SCARB1: variants seen among roughly 807,000 people sequenced by gnomAD.
SCARB1 encodes scavenger receptor class B member 1.
A neutral mutation model predicts 57.2 loss-of-function variants in SCARB1; 30 were observed. The ratio of observed to expected loss-of-function variants is 0.52; its 90% CI spans 0.39 to 0.71. The LOEUF (loss-of-function observed/expected upper bound fraction) is 0.71, where lower values mean the gene tolerates loss of function less well. Among genes scored for constraint, SCARB1 ranks in the 30% least tolerant of loss-of-function variants. SCARB1 has a pLI of 0.00. For synonymous variants in SCARB1, 249 were observed against 268.3 expected (o/e 0.93, Z 0.70); for missense variants, 543 against 671.2 (o/e 0.81, Z 2.11).
At position 124,787,401 on chromosome 12, in the gene SCARB1, C is replaced by T. The variant is rs751382734; in HGVS notation, c.1254+5G>A. 1 of 1,613,744 alleles carries T rather than the reference C, an allele frequency of 6.2e-7. No individual in the cohort carries two copies. The highest frequency in any genetic ancestry group is 1.1e-5 in the South Asian group (1 of 90,992). ...CCCCCGACGCTGTGCCCAACGCACC[C>T]TTACCTCTGCAAACCAGAGCAGCGG... On this transcript the variant is annotated splice_donor_5th_base_variant and intron_variant, in intron 10 of 12. Transcript: ENST00000261693.
intron 1 of SCARB1, among the ~76,000 whole-genome samples, chr12:124,851,436 CT>C (rs146381443): frequency 2.7e-5 from 4 of 150,792 alleles, no homozygotes; most frequent in African/African-American, 7.3e-5. Context: ...TGCTGTTTTC[CT>C]TTTTTTTTCT....
Position 124,817,805 on chromosome 12 carries a change from A to C in SCARB1, c.127-98T>G. ...ACAGCTGCCCGAGCCCGGCCAGGGA[A>C]GGGGCTCCTCGGCGGGAGCTTGGGA... is the stretch of plus-strand genomic sequence containing the variant. On this transcript the variant is annotated intron_variant, in intron 1 of 12. Transcript: ENST00000261693. The surrounding 1 kb of genome is among the most constrained non-coding windows in gnomAD (Gnocchi z 4.8). 1 of 1,335,476 alleles carries C rather than the reference A, an allele frequency of 7.5e-7. No homozygotes were observed. The highest frequency in any genetic ancestry group is 1.1e-6 in the Non-Finnish European group (1 of 927,868). 82.7% of individuals were successfully genotyped at this position (1,335,476 alleles called of 1,614,324 possible).
chr12:124,845,263 C>T (rs1167069577), intron 1 of SCARB1, among the ~76,000 whole-genome samples: 2 of 152,200 alleles, frequency 1.3e-5, no homozygotes, highest in Non-Finnish European at 2.9e-5. Context: ...ATGCAGTGCA[C>T]CCGCACCGTG....
chr12:124,810,423 AG>A lies in SCARB1; in HGVS notation c.727-135del. ...TTCCCAATACTGGCACGGTGGGAAG[AG>A]GGCAGGCTATGTAGACACACAGAGA... On this transcript the variant is annotated intron_variant, in intron 5 of 12. Transcript: ENST00000261693. The surrounding 1 kb of genome is among the most constrained non-coding windows in gnomAD (Gnocchi z 4.0). 1 of 693,420 alleles carries A rather than the reference AG, an allele frequency of 1.4e-6. No individual in the cohort carries two copies. Among genetic ancestry groups the A allele is most frequent in the East Asian group, 2.7e-5 (1 of 36,764 alleles). 43.0% of individuals were successfully genotyped at this position (693,420 alleles called of 1,614,324 possible). A position where few individuals can be genotyped will look rare whatever the true frequency, so the allele number is the denominator to read the frequency against.
Position 124,790,051 on chromosome 12 carries a change from A to G in SCARB1, c.1203-2594T>C, listed in dbSNP as rs191759823. 1.2e-4 allele frequency among the ~76,000 whole-genome samples: 18 copies of G among 148,892 alleles called. No individual in the cohort carries two copies. In the East Asian group the frequency reaches 3.5e-3, roughly 29 times the overall value. On this transcript the variant is annotated intron_variant, in intron 9 of 12. Transcript: ENST00000261693. ...GGGAAGCAGGAGGTTAGAGGCAGAG[A>G]GAAATTGGACAGTGCTACACTGCTG...
intron 7 of SCARB1, among the ~76,000 whole-genome samples, chr12:124,801,941 G>A (rs1473418093): frequency 6.6e-6 from 1 of 151,516 alleles, no homozygotes; most frequent in East Asian, 1.9e-4. Context: ...AGTTGAGGTT[G>A]GGAGTTCACG....
In SCARB1 at chr12:124,843,472, T is replaced by C. The variant is rs972372530; in HGVS notation, c.126+20123A>G. 3.3e-5 allele frequency among the ~76,000 whole-genome samples: 5 copies of C among 152,072 alleles called. No individual in the cohort carries two copies. The East Asian group carries it at 9.6e-4, about 29-fold the overall frequency. On this transcript the variant is annotated intron_variant, in intron 1 of 12. Coordinates refer to ENST00000261693, the MANE Select transcript of SCARB1 (RefSeq NM_005505.5). The stretch of plus-strand genomic sequence containing the variant: ...ATGTGCAGAGGTGGAAATCGGCTTT[T>C]AGGAAAAAAGTGAGTTTCCACAGGA...
chr12:124,796,764 C>T lies in SCARB1; in HGVS notation c.1129-1496G>A, dbSNP rs539189036. ...TGGCAAAGAAGAGCTCATTAAAGGCCTCACTTACGCCCACGACTGGGGAGT... is the reference window on the plus strand; with the variant it reads ...TGGCAAAGAAGAGCTCATTAAAGGCTTCACTTACGCCCACGACTGGGGAGT... On this transcript the variant is annotated intron_variant, in intron 8 of 12. Coordinates refer to ENST00000261693, the MANE Select transcript of SCARB1 (RefSeq NM_005505.5). The surrounding 1 kb of genome is among the most constrained non-coding windows in gnomAD (Gnocchi z 4.0). Among the ~76,000 whole-genome samples, 9 of 152,324 alleles carry T rather than the reference C, an allele frequency of 5.9e-5. No homozygotes were observed. In the South Asian group the frequency reaches 1.9e-3, roughly 32 times the overall value.
At chr12:124,859,403 C>T (rs1225817708) in intron 1 of SCARB1, among the ~76,000 whole-genome samples, 2 of 152,094 alleles carry the variant, frequency 1.3e-5, no homozygotes, top group Non-Finnish European at 2.9e-5. Flanking sequence ...TGGTGGCAGG[C>T]ACCTGCAGTC....
At chr12:124,838,775 C>CTTTTTTT (rs1174317110) in intron 1 of SCARB1, among the ~76,000 whole-genome samples, 2 of 117,302 alleles carry the variant, frequency 1.7e-5, no homozygotes, top group Admixed American at 1.1e-4. Context: ...CCAACTTAGC[C>CTTTTTTT]TTTTTTTTTT....
intron 1 of SCARB1, among the ~76,000 whole-genome samples, chr12:124,834,912 C>CG (rs1951571377): frequency 6.6e-6 from 1 of 151,966 alleles, no homozygotes; most frequent in African/African-American, 2.4e-5. Flanking sequence ...TGTCCACCCC[C>CG]CCAAAAAAAA....
chr12:124,852,148 C>T (rs902862410), intron 1 of SCARB1, among the ~76,000 whole-genome samples: 5 of 152,134 alleles, frequency 3.3e-5, no homozygotes, highest in Admixed American at 1.3e-4. Flanking sequence ...TCTCTTTACC[C>T]ACCATCCACA....
At chr12:124,852,586 C>T (rs915582087) in intron 1 of SCARB1, among the ~76,000 whole-genome samples, 3 of 152,244 alleles carry the variant, frequency 2.0e-5, no homozygotes, top group Admixed American at 6.5e-5. Flanking sequence ...CAAGGTCCTA[C>T]GCTAGGTGGT....
rs563446926 is a variant in SCARB1, at chr12:124,814,820, T to C, written c.426+153A>G. 1,922 of 918,820 alleles carry C rather than the reference T, an allele frequency of 2.1e-3. 2 individuals carry two copies. Among genetic ancestry groups the C allele is most frequent in the Non-Finnish European group, 3.0e-3 (1,758 of 584,540 alleles). The allele number at this position is 918,820 out of a possible 1,614,324, so 56.9% of individuals were successfully genotyped here. ...GAAACTCAGAACCCACTGGGGGTGGTGGAGACAGCACAGGGCCGAAAGCCA... is the reference window on the plus strand; with the variant it reads ...GAAACTCAGAACCCACTGGGGGTGGCGGAGACAGCACAGGGCCGAAAGCCA... On this transcript the variant is annotated intron_variant, in intron 3 of 12. Coordinates refer to ENST00000261693, the MANE Select transcript of SCARB1 (RefSeq NM_005505.5). This position sits in a 1 kb window ranked among gnomAD's most constrained non-coding sequence, Gnocchi z 4.7.
chr12:124,788,615 A>G (rs115013592), intron 9 of SCARB1, among the ~76,000 whole-genome samples: 74 of 152,320 alleles, frequency 4.9e-4, no homozygotes, highest in African/African-American at 1.7e-3. Flanking sequence ...AGATGAGTGG[A>G]ACTTGGACTA....
rs1950635006 is a variant in SCARB1 at position 124,814,616 on chromosome 12, C to T, written c.427-211G>A. Among the ~76,000 whole-genome samples, 2 of 152,182 alleles carry T rather than the reference C, an allele frequency of 1.3e-5. No homozygotes were observed. Among genetic ancestry groups the T allele is most frequent in the Admixed American group, 6.5e-5 (1 of 15,282 alleles). ...ACATGTGCTCCCGAGAACCCCTTCT[C>T]CCCCTTGCACCCCACTGGACTCAGG... On this transcript the variant is annotated intron_variant, in intron 3 of 12. Coordinates refer to ENST00000261693, the MANE Select transcript of SCARB1 (RefSeq NM_005505.5). This position sits in a 1 kb window ranked among gnomAD's most constrained non-coding sequence, Gnocchi z 4.7.
intron 1 of SCARB1, among the ~76,000 whole-genome samples, chr12:124,863,348 C>T (rs924422959): frequency 2.6e-5 from 4 of 152,194 alleles, no homozygotes; most frequent in Non-Finnish European, 2.9e-5. Context: ...GCCTCCCCAA[C>T]CCTGGCCTGC....
In SCARB1 at chr12:124,810,636, C is replaced by T. The variant is rs746384484; in HGVS notation, c.727-347G>A. On this transcript the variant is annotated intron_variant, in intron 5 of 12. Coordinates refer to ENST00000261693, the MANE Select transcript of SCARB1 (RefSeq NM_005505.5). This position sits in a 1 kb window ranked among gnomAD's most constrained non-coding sequence, Gnocchi z 4.0. ...GCTCAGCCCTCAGAGCGGAAGTCAACAGGCACCTCCTGAAAACAATCGGCA... is the reference window on the plus strand; with the variant it reads ...GCTCAGCCCTCAGAGCGGAAGTCAATAGGCACCTCCTGAAAACAATCGGCA... Among the ~76,000 whole-genome samples the T allele has an allele frequency of 6.6e-6, 1 of 152,210 alleles. No individual in the cohort carries two copies. Among genetic ancestry groups the T allele is most frequent in the African/African-American group, 2.4e-5 (1 of 41,458 alleles).
At position 124,846,309 on chromosome 12, in the gene SCARB1, T is replaced by C. The variant is rs529521107; in HGVS notation, c.126+17286A>G. Among the ~76,000 whole-genome samples, 3 of 152,308 alleles carry C rather than the reference T, an allele frequency of 2.0e-5. No individual in the cohort carries two copies. The East Asian group carries it at 5.8e-4, about 29-fold the overall frequency. ...ACTTTGGACAAGAGCTTGGCCCTTC[T>C]CCATGCAGGTGAAGACACGCACGCC... On this transcript the variant is annotated intron_variant, in intron 1 of 12. Transcript: ENST00000261693.
Sources: gnomAD v4.1 joint callset for allele counts (sites outside exome capture counted in the v4.1 genomes callset) on GRCh38, gnomAD v4.1.1 for gene constraint, Gnocchi (gnomAD v3.1) non-coding constraint, MANE v1.5 for transcripts, NCBI Gene and HGNC (gene_info 2026-07-23, HGNC 2026-07-21) for gene names.